EXOC4: variants seen among roughly 807,000 people sequenced by gnomAD.
The protein encoded by EXOC4 is SEC8-like 1.
A neutral mutation model predicts 107.2 loss-of-function variants in EXOC4; 71 were observed. The ratio of observed to expected loss-of-function variants is 0.66; its 90% CI spans 0.55 to 0.81. EXOC4 has a LOEUF of 0.81. EXOC4 is among the 30% of genes least tolerant of loss of function. The probability of loss-of-function intolerance (pLI) is 0.00; values close to 1 mark genes in which losing one functional copy is unlikely to be tolerated. For synonymous variants in EXOC4, 456 were observed against 441.2 expected (o/e 1.03, Z -0.42); for missense variants, 1,108 against 1,189.6 (o/e 0.93, Z 1.01).
intron 7 of EXOC4, among the ~76,000 whole-genome samples, chr7:133,394,520 T>C (rs1208197265): frequency 6.6e-6 from 1 of 152,162 alleles, no homozygotes; most frequent in Non-Finnish European, 1.5e-5. Flanking sequence ...GAGGGGCAGC[T>C]CAGTGAGTGA....
At chr7:134,099,980 T>C in the EXOC4 span, among the ~76,000 whole-genome samples, 1 of 152,038 alleles carries the variant, frequency 6.6e-6, no homozygotes, top group Non-Finnish European at 1.5e-5. Flanking sequence ...GTGCTGGGAT[T>C]ACAGGCATGA....
chr7:133,508,997 T>C (rs187347793), intron 9 of EXOC4, among the ~76,000 whole-genome samples: 1 of 152,334 alleles, frequency 6.6e-6, no homozygotes, highest in Non-Finnish European at 1.5e-5. Flanking sequence ...AGGCACATAG[T>C]AGAAACTGCT....
Position 133,615,956 on chromosome 7 carries a change from T to G in EXOC4, c.1418-14089T>G, listed in dbSNP as rs937318974. ...TGTTTAGAAACTGTTGATAAGTAGC[T>G]TCTTTGTTCTGTGATTGAGTCACTG... On this transcript the variant is annotated intron_variant, in intron 9 of 17. Transcript: ENST00000253861. Among the ~76,000 whole-genome samples, 47 of 152,184 alleles carry G rather than the reference T, an allele frequency of 3.1e-4. 3 individuals are homozygous for G. The highest frequency in any genetic ancestry group is 2.9e-5 in the Non-Finnish European group (2 of 68,032).
intron 2 of EXOC4, among the ~76,000 whole-genome samples, chr7:133,288,168 GT>G (rs199733495): frequency 0.028 from 4,190 of 152,118 alleles, 90 homozygotes; most frequent in Non-Finnish European, 0.041. Context: ...ATTTTTCCAT[GT>G]TGAAAAAATG....
At chr7:134,012,298 T>C (rs1794788203) in intron 17 of EXOC4, among the ~76,000 whole-genome samples, 1 of 152,148 alleles carries the variant, frequency 6.6e-6, no homozygotes, top group African/African-American at 2.4e-5. Flanking sequence ...GTTAGAAAAC[T>C]GTGGCAATAA....
At chr7:133,934,736 T>G (rs1800259252) in intron 13 of EXOC4, among the ~76,000 whole-genome samples, 1 of 152,122 alleles carries the variant, frequency 6.6e-6, no homozygotes, top group South Asian at 2.1e-4. Context: ...GTGTTATATC[T>G]ATCACAGATG....
chr7:133,450,979 C>A (rs1012795024), intron 7 of EXOC4, among the ~76,000 whole-genome samples: 47 of 152,266 alleles, frequency 3.1e-4, no homozygotes, highest in African/African-American at 1.1e-3. Flanking sequence ...CCTCTCAGGC[C>A]AGCAACTATG....
intron 17 of EXOC4, among the ~76,000 whole-genome samples, chr7:134,053,131 T>A (rs1416540735): frequency 6.6e-6 from 1 of 152,082 alleles, no homozygotes; most frequent in Non-Finnish European, 1.5e-5. Context: ...GAATATAGAA[T>A]TCAGCCCTGC....
intron 10 of EXOC4, among the ~76,000 whole-genome samples, chr7:133,634,340 C>A (rs1372503988): frequency 6.6e-6 from 1 of 152,140 alleles, no homozygotes; most frequent in Non-Finnish European, 1.5e-5. Flanking sequence ...TTTTTCTTTA[C>A]AGTCAGGCAT....
At chr7:133,288,399 A>G (rs945701080) in intron 2 of EXOC4, among the ~76,000 whole-genome samples, 4 of 152,166 alleles carry the variant, frequency 2.6e-5, no homozygotes. Context: ...TTTTCAGATT[A>G]TCTCTGGATG....
At chr7:133,487,309 G>T (rs1319272997) in intron 9 of EXOC4, among the ~76,000 whole-genome samples, 1 of 152,214 alleles carries the variant, frequency 6.6e-6, no homozygotes, top group Admixed American at 6.5e-5. Flanking sequence ...CATTCATACA[G>T]ATGTGAGAAA....
At chr7:133,437,057 C>A (rs1014063178) in intron 7 of EXOC4, among the ~76,000 whole-genome samples, 6 of 151,966 alleles carry the variant, frequency 3.9e-5, no homozygotes, top group Non-Finnish European at 8.8e-5. Context: ...ATATTATGGT[C>A]ATAGTAAAGG....
At chr7:133,884,297 A>G (rs984402124) in intron 11 of EXOC4, among the ~76,000 whole-genome samples, 5 of 152,144 alleles carry the variant, frequency 3.3e-5, no homozygotes, top group Non-Finnish European at 7.4e-5. Flanking sequence ...ACCTACAAAC[A>G]TCATGCAGTT....
chr7:133,964,549 A>G (rs1483424166), intron 14 of EXOC4, among the ~76,000 whole-genome samples: 1 of 151,416 alleles, frequency 6.6e-6, no homozygotes, highest in Middle Eastern at 3.2e-3. Flanking sequence ...TCATTGTTCA[A>G]CTCCCGCTTA....
intron 7 of EXOC4, among the ~76,000 whole-genome samples, chr7:133,459,423 T>C (rs1317952532): frequency 6.6e-6 from 1 of 152,226 alleles, no homozygotes; most frequent in Non-Finnish European, 1.5e-5. Context: ...GCTGTGGTTG[T>C]CTTTTTGAGA....
Position 133,824,359 on chromosome 7 carries a change from T to G in EXOC4, c.1734+6815T>G, listed in dbSNP as rs1405444808. 7.5e-5 allele frequency among the ~76,000 whole-genome samples: 11 copies of G among 146,992 alleles called. No individual in the cohort carries two copies. In the East Asian group the frequency reaches 7.8e-4, roughly 10 times the overall value. On this transcript the variant is annotated intron_variant, in intron 11 of 17. Transcript: ENST00000253861. ...TCTGCCCACATTTTCAACCTGCGTC[T>G]TCTTCTCATCACCAGCTTGCTGTTT...
At chr7:133,686,368 T>C (rs1585078512) in intron 10 of EXOC4, among the ~76,000 whole-genome samples, 1 of 152,194 alleles carries the variant, frequency 6.6e-6, no homozygotes. Context: ...AGCATTTTTT[T>C]CCCACACCAT....
intron 11 of EXOC4, among the ~76,000 whole-genome samples, chr7:133,883,322 T>G (rs1280914779): frequency 1.9e-5 from 2 of 104,126 alleles, no homozygotes; most frequent in Non-Finnish European, 4.2e-5. Flanking sequence ...GAGAATTGCT[T>G]TTTTTTTTTT....
chr7:134,073,734 C>T, the EXOC4 span, among the ~76,000 whole-genome samples: 31 of 152,000 alleles, frequency 2.0e-4, no homozygotes, highest in Middle Eastern at 3.4e-3. Context: ...AGCAGAAGTC[C>T]GACTCCAGTC....
Sources: gnomAD v4.1 joint callset for allele counts (sites outside exome capture counted in the v4.1 genomes callset) on GRCh38, gnomAD v4.1.1 for gene constraint, MANE v1.5 for transcripts, NCBI Gene and HGNC (gene_info 2026-07-23, HGNC 2026-07-21) for gene names.